The following S100A8 variants were observed in gnomAD, a reference collection of about 807,000 sequenced individuals.
S100A8 encodes protein S100-A8.
Under a neutral mutation model 4.2 loss-of-function variants are expected in S100A8, and 1 was observed. The ratio of observed to expected loss-of-function variants is 0.24; its 90% CI spans 0.08 to 1.12. The LOEUF is 1.12. S100A8 is among the 50% of genes most tolerant of loss of function. S100A8 has a pLI of 0.53. For synonymous variants in S100A8, 41 were observed against 44.7 expected (o/e 0.92, Z 0.33); for missense variants, 96 against 111.8 (o/e 0.86, Z 0.64).
the S100A8 span, among the ~76,000 whole-genome samples, chr1:153,418,837 T>G: frequency 2.0e-5 from 3 of 152,140 alleles, no homozygotes; most frequent in African/African-American, 7.2e-5. Flanking sequence ...TGCCCTTAAA[T>G]GCTGGGAACA....
the S100A8 span, chr1:153,417,298 A>C: frequency 6.6e-6 from 1 of 152,198 alleles, no homozygotes; most frequent in Non-Finnish European, 1.5e-5. Context: ...TTTTATTTAA[A>C]CAGGGTCAAC....
chr1:153,397,955 G>T, the S100A8 span, among the ~76,000 whole-genome samples: 1 of 152,194 alleles, frequency 6.6e-6, no homozygotes, highest in East Asian at 1.9e-4. Flanking sequence ...GGTACAGTTT[G>T]CCCTGGAAAG....
At chr1:153,401,333 G>A in the S100A8 span, among the ~76,000 whole-genome samples, 1 of 152,192 alleles carries the variant, frequency 6.6e-6, no homozygotes, top group Non-Finnish European at 1.5e-5. Flanking sequence ...TGTGCTAGGT[G>A]CTGTGGAGAA....
At chr1:153,414,517 C>T in the S100A8 span, among the ~76,000 whole-genome samples, 1 of 152,200 alleles carries the variant, frequency 6.6e-6, no homozygotes, top group Admixed American at 6.5e-5. Context: ...TGATGCTCCA[C>T]ATCATATGTC....
chr1:153,415,760 C>T, the S100A8 span, among the ~76,000 whole-genome samples: 4 of 152,052 alleles, frequency 2.6e-5, no homozygotes, highest in Non-Finnish European at 4.4e-5. Flanking sequence ...TAGTGAGGCC[C>T]CTGACCCCAG....
At chr1:153,393,014 C>T (rs936687089), upstream of S100A8, among the ~76,000 whole-genome samples, 11 of 152,168 alleles carry the variant, frequency 7.2e-5, no homozygotes, top group Non-Finnish European at 1.6e-4. Flanking sequence ...TCACACTAAT[C>T]CAATGACGTA....
At chr1:153,417,893 G>C in the S100A8 span, 1 of 768,968 alleles carries the variant, frequency 1.3e-6, no homozygotes, top group Non-Finnish European at 2.0e-6. Flanking sequence ...TCTCAGACTT[G>C]GTCCTACCCT....
chr1:153,412,186 G>C, the S100A8 span, among the ~76,000 whole-genome samples: 10 of 152,284 alleles, frequency 6.6e-5, no homozygotes, highest in East Asian at 1.9e-4. Flanking sequence ...TACCATCAGA[G>C]TGAACAGGCA....
At chr1:153,399,643 G>T in the S100A8 span, among the ~76,000 whole-genome samples, 16,608 of 152,190 alleles carry the variant, frequency 0.11, 911 homozygotes, top group Middle Eastern at 0.13. Flanking sequence ...CACAGGGTGG[G>T]GACATGTGAG....
the S100A8 span, chr1:153,417,907 A>G: frequency 1.1e-6 from 1 of 924,338 alleles, no homozygotes; most frequent in Admixed American, 3.0e-5. Context: ...CTACCCTCTC[A>G]TTTTTGAACA....
chr1:153,419,372 A>G, the S100A8 span: 3 of 1,519,628 alleles, frequency 2.0e-6, no homozygotes, highest in East Asian at 6.8e-5. Flanking sequence ...CCCACCAGAC[A>G]CTTGCCTTAT....
rs1217466191 is a variant in S100A8 at position 153,390,557 on chromosome 1, C to A, written c.-22G>T. 1.2e-6 allele frequency: 2 copies of A among 1,613,696 alleles called. No homozygotes were observed. Among genetic ancestry groups the A allele is most frequent in the African/African-American group, 1.3e-5 (1 of 74,928 alleles). ...ACATGATGCCCACGGACTTGCCCCACCTGAAAAACAGAACCTTCTGGGGAA... is the reference window on the plus strand; with the variant it reads ...ACATGATGCCCACGGACTTGCCCCAACTGAAAAACAGAACCTTCTGGGGAA... On this transcript the variant is annotated splice_region_variant and 5_prime_UTR_variant, in exon 2 of 3. Transcript: ENST00000368733.
the S100A8 span, chr1:153,417,971 T>G: frequency 6.8e-7 from 1 of 1,461,406 alleles, no homozygotes; most frequent in Non-Finnish European, 9.3e-7. Context: ...ATCTTAGGGC[T>G]GTTTTTACTC....
upstream of S100A8, chr1:153,391,231 G>A (rs1046886444): frequency 1.0e-6 from 1 of 984,668 alleles, no homozygotes; most frequent in Non-Finnish European, 1.2e-6. Context: ...TGAAAATTTT[G>A]GGTGGGGAGG....
chr1:153,397,680 G>C, the S100A8 span, among the ~76,000 whole-genome samples: 1 of 152,106 alleles, frequency 6.6e-6, no homozygotes, highest in Admixed American at 6.5e-5. Flanking sequence ...AAACCATCTG[G>C]GGGAAGCAGC....
the S100A8 span, among the ~76,000 whole-genome samples, chr1:153,406,315 G>C: frequency 5.9e-5 from 9 of 152,316 alleles, no homozygotes; most frequent in African/African-American, 2.2e-4. Context: ...GGCCAGGGCT[G>C]TCACTGAGAC....
chr1:153,395,820 A>T (rs992895995), upstream of S100A8, among the ~76,000 whole-genome samples: 1 of 152,156 alleles, frequency 6.6e-6, no homozygotes, highest in African/African-American at 2.4e-5. Context: ...TTGCTCCTAG[A>T]CATACTTTAT....
At chr1:153,415,711 G>T in the S100A8 span, among the ~76,000 whole-genome samples, 1 of 144,322 alleles carries the variant, frequency 6.9e-6, no homozygotes, top group African/African-American at 2.7e-5. Context: ...CATTCCATGG[G>T]GCGGGGGGGG....
chr1:153,405,608 T>C, the S100A8 span, among the ~76,000 whole-genome samples: 3 of 152,140 alleles, frequency 2.0e-5, no homozygotes, highest in African/African-American at 7.2e-5. Flanking sequence ...GAACATCTTA[T>C]CAATATCCTC....
Sources: gnomAD v4.1 joint callset for allele counts (sites outside exome capture counted in the v4.1 genomes callset) on GRCh38, gnomAD v4.1.1 for gene constraint, MANE v1.5 for transcripts, NCBI Gene and HGNC (gene_info 2026-07-23, HGNC 2026-07-21) for gene names.